Variants in WDFY3 observed in about 807,000 individuals in gnomAD.
The protein encoded by WDFY3 is WD repeat and FYVE domain-containing protein 3.
Under a neutral mutation model 409.6 loss-of-function variants are expected in WDFY3, and 66 were observed. The observed-to-expected ratio is 0.16, with a 90% confidence interval of 0.13 to 0.20. WDFY3 has a LOEUF of 0.20. WDFY3 is among the 10% of genes least tolerant of loss of function. The probability of loss-of-function intolerance (pLI) is 1.00; values close to 1 mark genes in which losing one functional copy is unlikely to be tolerated. For synonymous variants in WDFY3, 1,521 were observed against 1,537.1 expected, an observed-to-expected ratio of 0.99 and a Z score of 0.25; for missense variants, 3,031 against 4,298.1, an observed-to-expected ratio of 0.71 and a Z score of 8.24.
chr4:84,832,274 G>T (rs1755849423), intron 7 of WDFY3, among the ~76,000 whole-genome samples: 1 of 152,122 alleles, frequency 6.6e-6, no homozygotes, highest in African/African-American at 2.4e-5. Context: ...TTCATATGTA[G>T]AAGTTTAAAA....
At chr4:84,880,708 TATATATATATATATATATG>T (rs1207489213) in intron 3 of WDFY3, among the ~76,000 whole-genome samples, 5 of 110,850 alleles carry the variant, frequency 4.5e-5, no homozygotes, top group Admixed American at 9.0e-5. Context: ...TATATATATA[TATATATATATATATATATG>T]TTTTTTTGGA....
rs570272561 is a variant in WDFY3 at position 84,947,385 on chromosome 4, G to A, written c.-225-15022C>T. ...AAATTGGCCAGGTGTGGTGGCACGGGCCTGTAGTCCCAGCTACTCGGGAGG... is the reference window on the plus strand; with the variant it reads ...AAATTGGCCAGGTGTGGTGGCACGGACCTGTAGTCCCAGCTACTCGGGAGG... On this transcript the variant is annotated intron_variant, in intron 1 of 67. Transcript: ENST00000295888. Among the ~76,000 whole-genome samples, 6 of 151,028 alleles carry A rather than the reference G, an allele frequency of 4.0e-5. No homozygotes were observed. In the South Asian group the frequency reaches 8.4e-4, roughly 21 times the overall value.
Position 84,738,616 on chromosome 4 carries a change from A to G in WDFY3, c.6574+394T>C, listed in dbSNP as rs181658407. ...GATTTTGTTTAAAAAAAAAAAAAAAAAGAGAGAGAGTATAAAGAAGAATAA... is the reference window on the plus strand; with the variant it reads ...GATTTTGTTTAAAAAAAAAAAAAAAGAGAGAGAGAGTATAAAGAAGAATAA... On this transcript the variant is annotated intron_variant, in intron 40 of 67. Transcript: ENST00000295888. 2.3e-3 allele frequency among the ~76,000 whole-genome samples: 344 copies of G among 151,888 alleles called. 1 individual carries two copies. Among genetic ancestry groups the G allele is most frequent in the African/African-American group, 7.1e-3 (294 of 41,448 alleles).
intron 21 of WDFY3, among the ~76,000 whole-genome samples, chr4:84,792,390 T>TCC (rs1748676466): frequency 6.6e-6 from 1 of 152,190 alleles, no homozygotes; most frequent in Non-Finnish European, 1.5e-5. Context: ...AAGGAACTTG[T>TCC]CCCTCTTCCT....
rs547041925 is a variant in WDFY3 at position 84,687,788 on chromosome 4, A to C, written c.9543+298T>G. ...ATGGCTATCACAGGCACAGCCCACC[A>C]CTGATCAGCATGGGAATTTTGATCT... On this transcript the variant is annotated intron_variant, in intron 62 of 67. Transcript: ENST00000295888. 7.1e-4 allele frequency: 170 copies of C among 240,812 alleles called. 2 individuals are homozygous for C. The highest frequency in any genetic ancestry group is 3.6e-3 in the African/African-American group (158 of 44,190). The allele number at this position is 240,812 out of a possible 1,614,324, so 14.9% of individuals were successfully genotyped here.
At chr4:84,913,788 T>C (rs1418991565) in intron 2 of WDFY3, among the ~76,000 whole-genome samples, 1 of 151,846 alleles carries the variant, frequency 6.6e-6, no homozygotes, top group Non-Finnish European at 1.5e-5. Context: ...TATAATGTAT[T>C]TCTGTAACAT....
At chr4:84,793,789 T>G (rs187229268) in intron 21 of WDFY3, among the ~76,000 whole-genome samples, 2 of 152,256 alleles carry the variant, frequency 1.3e-5, no homozygotes, top group Admixed American at 6.5e-5. Flanking sequence ...AACCTTACAA[T>G]CTAATTAAAA....
intron 51 of WDFY3, among the ~76,000 whole-genome samples, chr4:84,712,094 T>C (rs1410734037): frequency 6.6e-6 from 1 of 151,878 alleles, no homozygotes; most frequent in East Asian, 1.9e-4. Flanking sequence ...GGGGCCAAGA[T>C]GGGTGGATCA....
At chr4:84,883,570 A>G (rs1763820420) in intron 3 of WDFY3, among the ~76,000 whole-genome samples, 1 of 152,184 alleles carries the variant, frequency 6.6e-6, no homozygotes, top group African/African-American at 2.4e-5. Flanking sequence ...TTCCATAATA[A>G]GACCTAATTC....
At chr4:84,941,912 T>C (rs1561126312) in intron 1 of WDFY3, among the ~76,000 whole-genome samples, 2 of 151,980 alleles carry the variant, frequency 1.3e-5, no homozygotes, top group Admixed American at 1.3e-4. Flanking sequence ...AGCAATTTAA[T>C]AGGGAAGGAA....
intron 51 of WDFY3, among the ~76,000 whole-genome samples, chr4:84,711,394 T>C (rs1336067523): frequency 1.3e-5 from 2 of 152,242 alleles, no homozygotes; most frequent in African/African-American, 2.4e-5. Context: ...AAAAATCCTA[T>C]ACAAATTGAT....
chr4:84,800,297 TACTCTAATAATAAGTTATG>T (rs1464528112), intron 17 of WDFY3, among the ~76,000 whole-genome samples: 1 of 152,112 alleles, frequency 6.6e-6, no homozygotes. Flanking sequence ...AAAAGAGGAG[TACTCTAATAATAAGTTATG>T]TAACAGCAGT....
chr4:84,743,422 G>C (rs1465689554), intron 37 of WDFY3, among the ~76,000 whole-genome samples: 1 of 152,078 alleles, frequency 6.6e-6, no homozygotes, highest in Non-Finnish European at 1.5e-5. Flanking sequence ...ATATGAACAA[G>C]AATGTTCATA....
intron 3 of WDFY3, among the ~76,000 whole-genome samples, chr4:84,875,039 G>A (rs1396641433): frequency 6.6e-6 from 1 of 151,984 alleles, no homozygotes; most frequent in East Asian, 1.9e-4. Flanking sequence ...GGAGTCCGAG[G>A]CGGGCAGATC....
chr4:84,676,487 C>T (rs1261578656), intron 67 of WDFY3, among the ~76,000 whole-genome samples: 1 of 151,780 alleles, frequency 6.6e-6, no homozygotes, highest in Non-Finnish European at 1.5e-5. Context: ...AAGAATAAGT[C>T]TGTGTTCTAT....
In WDFY3 at chr4:84,821,482, A is replaced by G. The variant is rs929114579; in HGVS notation, c.1193T>C (p.Phe398Ser). ...QNAFLKAKTS[F>S]LAQIILDAIT... ...AGCATCAAGGATGATTTGGGCAAGG[A>G]AGCTGGTTTTTGCTTTTAAAAATGC... The change falls in exon 11 of 68, where the codon TTC becomes TCC. Residue 398 changes from phenylalanine to serine, a missense_variant. By Grantham distance (155) the Phe-to-Ser change is radical. Transcript: ENST00000295888. The G allele has an allele frequency of 6.2e-7, 1 of 1,613,870 alleles. No individual in the cohort carries two copies.
intron 5 of WDFY3, among the ~76,000 whole-genome samples, chr4:84,847,933 G>GT (rs1553987668): frequency 6.0e-4 from 87 of 144,374 alleles, no homozygotes; most frequent in African/African-American, 2.2e-3. Context: ...TGTCACAAAT[G>GT]AAAAAAAAAA....
At position 84,860,545 on chromosome 4, in the gene WDFY3, C is replaced by A. The variant is rs1407139874; in HGVS notation, c.47G>T (p.Cys16Phe). Residue 16 changes from cysteine to phenylalanine, a missense_variant, in exon 4 of 68, where the codon TGC becomes TTC. Physicochemically the swap from Cys to Phe is radical, Grantham distance 205 (BLOSUM62 -2). Around this residue, in one of 16 missense-constraint regions of WDFY3, gnomAD observed 1,322 missense variants for 1,697.9 expected, o/e 0.78. Transcript: ENST00000295888. ...TCCTAAGGCGTTGTCTTGTGGGCTG[C>A]ACTCCTCCTGCCTCGGCCGCCCCAT... is the stretch of plus-strand genomic sequence containing the variant. ...RIMGRPRQEECSPQDNALGLM... is the reference protein window; with the variant it reads ...RIMGRPRQEEFSPQDNALGLM... The A allele has an allele frequency of 1.2e-6, 2 of 1,613,188 alleles. No homozygotes were observed. The highest frequency in any genetic ancestry group is 1.7e-6 in the Non-Finnish European group (2 of 1,179,408).
chr4:84,712,297 G>A (rs899870273), intron 51 of WDFY3, among the ~76,000 whole-genome samples: 1 of 150,498 alleles, frequency 6.6e-6, no homozygotes, highest in Non-Finnish European at 1.5e-5. Flanking sequence ...AGGAGGCAGA[G>A]GTTGCAGTGA....
Sources: gnomAD v4.1 joint callset for allele counts (sites outside exome capture counted in the v4.1 genomes callset) on GRCh38, gnomAD v4.1.1 for gene constraint, gnomAD v4.1.1 regional missense constraint, MANE v1.5 for transcripts, NCBI Gene and HGNC (gene_info 2026-07-23, HGNC 2026-07-21) for gene names.